Variants in TDRD3 observed in about 807,000 individuals in gnomAD.
The protein encoded by TDRD3 is tudor domain-containing protein 3.
Under a neutral mutation model 86.7 loss-of-function variants are expected in TDRD3, and 45 were observed. The observed-to-expected ratio is 0.52, with a 90% CI of 0.41 to 0.67. The LOEUF (loss-of-function observed/expected upper bound fraction) is 0.67, where lower values mean the gene tolerates loss of function less well. Ranked by LOEUF, TDRD3 falls within the 30% of genes least tolerant of loss-of-function variation. The pLI, the probability that TDRD3 is intolerant of heterozygous loss-of-function variation, is 0.00. For missense variants in TDRD3, 814 were observed against 889.0 expected, an observed-to-expected ratio of 0.92 and a Z score of 1.07; for synonymous variants, 298 against 301.7, an observed-to-expected ratio of 0.99 and a Z score of 0.13.
intron 5 of TDRD3, among the ~76,000 whole-genome samples, chr13:60,472,822 TATAGAG>T (rs1322823986): frequency 5.3e-5 from 8 of 152,058 alleles, no homozygotes; most frequent in Admixed American, 5.2e-4. Context: ...TAGCAAAAAT[TATAGAG>T]AGAGAGTACA....
At chr13:60,494,906 CT>C (rs1956681483) in intron 8 of TDRD3, among the ~76,000 whole-genome samples, 1 of 152,118 alleles carries the variant, frequency 6.6e-6, no homozygotes, top group Non-Finnish European at 1.5e-5. Context: ...CAAATTTTGT[CT>C]AAAGTGATTT....
At chr13:60,556,825 A>C (rs1297977571) in intron 12 of TDRD3, among the ~76,000 whole-genome samples, 1 of 152,238 alleles carries the variant, frequency 6.6e-6, no homozygotes, top group Non-Finnish European at 1.5e-5. Flanking sequence ...AAGAATTCTT[A>C]TTAATAGAAT....
At chr13:60,463,800 C>T (rs1341084115) in intron 4 of TDRD3, among the ~76,000 whole-genome samples, 1 of 152,170 alleles carries the variant, frequency 6.6e-6, no homozygotes, top group African/African-American at 2.4e-5. Flanking sequence ...GAGATCATCT[C>T]ACACAGTTAG....
chr13:60,566,594 T>C (rs952729551), intron 12 of TDRD3, among the ~76,000 whole-genome samples: 1 of 152,182 alleles, frequency 6.6e-6, no homozygotes, highest in Non-Finnish European at 1.5e-5. Flanking sequence ...GAATTTAAAC[T>C]CCCTACTTAG....
chr13:60,476,274 C>A (rs1956185636), intron 5 of TDRD3, among the ~76,000 whole-genome samples: 1 of 152,108 alleles, frequency 6.6e-6, no homozygotes, highest in South Asian at 2.1e-4. Flanking sequence ...GCCAGTTATC[C>A]CAGCATCATT....
chr13:60,521,756 G>A (rs1957289459), intron 10 of TDRD3, among the ~76,000 whole-genome samples: 1 of 152,134 alleles, frequency 6.6e-6, no homozygotes, highest in African/African-American at 2.4e-5. Flanking sequence ...AATTGGCCGG[G>A]CATGGCAGCA....
intron 1 of TDRD3, among the ~76,000 whole-genome samples, chr13:60,433,088 T>C (rs1043569680): frequency 1.3e-5 from 2 of 152,236 alleles, no homozygotes; most frequent in Non-Finnish European, 2.9e-5. Flanking sequence ...CTTGGTTTTC[T>C]CATTGGCATT....
chr13:60,491,079 A>G (rs1294023288), intron 7 of TDRD3, among the ~76,000 whole-genome samples: 1 of 148,640 alleles, frequency 6.7e-6, no homozygotes, highest in Non-Finnish European at 1.5e-5. Context: ...GTGCTATTGC[A>G]CTCCAGCCTG....
chr13:60,491,759 GTCAAAATCTAT>G (rs1956592807), intron 7 of TDRD3, among the ~76,000 whole-genome samples: 1 of 151,668 alleles, frequency 6.6e-6, no homozygotes, highest in Non-Finnish European at 1.5e-5. Flanking sequence ...GGTTGATGTG[GTCAAAATCTAT>G]GTGAGTTCTT....
intron 13 of TDRD3, 84 bp from the exon 14 acceptor site, chr13:60,573,532 T>A (rs1357540341): frequency 2.4e-6 from 2 of 832,100 alleles, no homozygotes; most frequent in Non-Finnish European, 2.9e-6. Context: ...TACAGATAAG[T>A]TTCAGCAGAA....
At chr13:60,422,873 A>G (rs551488499) in intron 1 of TDRD3, among the ~76,000 whole-genome samples, 46 of 152,284 alleles carry the variant, frequency 3.0e-4, no homozygotes, top group African/African-American at 1.1e-3. Context: ...AAACAATTGA[A>G]AAGAGCTGAT....
chr13:60,395,670 C>G (rs1287208443), upstream of TDRD3, among the ~76,000 whole-genome samples: 3 of 152,112 alleles, frequency 2.0e-5, no homozygotes, highest in Admixed American at 6.5e-5. Context: ...ACAGGTTACA[C>G]TAACTGAAAA....
chr13:60,452,448 C>A (rs751816880), intron 3 of TDRD3, among the ~76,000 whole-genome samples: 30 of 152,046 alleles, frequency 2.0e-4, no homozygotes, highest in Non-Finnish European at 4.0e-4. Context: ...TTTTAAAACA[C>A]CATTTACAAC....
chr13:60,418,150 A>G (rs992079221), intron 1 of TDRD3, among the ~76,000 whole-genome samples: 2 of 151,810 alleles, frequency 1.3e-5, no homozygotes, highest in African/African-American at 4.8e-5. Flanking sequence ...TTTTGCTCCT[A>G]CCTCTCCAGC....
chr13:60,424,356 A>G (rs1954744227), intron 1 of TDRD3, among the ~76,000 whole-genome samples: 1 of 151,774 alleles, frequency 6.6e-6, no homozygotes, highest in Non-Finnish European at 1.5e-5. Flanking sequence ...TGAGTTATAA[A>G]TCACAGAAAA....
At chr13:60,405,141 A>C (rs1954204168) in intron 1 of TDRD3, among the ~76,000 whole-genome samples, 1 of 152,102 alleles carries the variant, frequency 6.6e-6, no homozygotes, top group Non-Finnish European at 1.5e-5. Context: ...GCAGCATGAA[A>C]AAGGACTATT....
At chr13:60,516,535 A>G (rs1192953216) in intron 10 of TDRD3, among the ~76,000 whole-genome samples, 2 of 152,230 alleles carry the variant, frequency 1.3e-5, no homozygotes, top group Non-Finnish European at 2.9e-5. Context: ...GAGCAGATAC[A>G]TACAACTAAT....
intron 2 of TDRD3, 117 bp downstream of exon 2, chr13:60,439,889 G>C: frequency 1.6e-6 from 1 of 631,866 alleles, no homozygotes; most frequent in East Asian, 3.2e-5. Context: ...TTCTTATTTT[G>C]TCCATTTTAA....
At chr13:60,426,278 T>C (rs1954805287) in intron 1 of TDRD3, among the ~76,000 whole-genome samples, 1 of 151,846 alleles carries the variant, frequency 6.6e-6, no homozygotes, top group Non-Finnish European at 1.5e-5. Context: ...CCACAGGCAG[T>C]GGGGAGGGCA....
Sources: allele counts gnomAD v4.1 joint callset (sites outside exome capture counted in the v4.1 genomes callset), GRCh38; gene constraint gnomAD v4.1.1; transcripts MANE v1.5; gene names NCBI Gene and HGNC (gene_info 2026-07-23, HGNC 2026-07-21).